The following ARRB1 variants were observed in gnomAD, a reference collection of about 807,000 sequenced individuals.
The protein encoded by ARRB1 is arrestin beta 1.
A neutral mutation model predicts 56.8 loss-of-function variants in ARRB1; 21 were observed. The ratio of observed to expected loss-of-function variants is 0.37; its 90% confidence interval spans 0.26 to 0.53. ARRB1 has a LOEUF of 0.53. Among genes scored for constraint, ARRB1 ranks in the 20% least tolerant of loss-of-function variants. ARRB1 has a pLI of 0.88. For synonymous variants in ARRB1, 210 were observed against 218.6 expected (o/e 0.96, Z 0.35); for missense variants, 424 against 553.7 (o/e 0.77, Z 2.35).
At chr11:75,290,694 T>C (rs938502387) in intron 1 of ARRB1, among the ~76,000 whole-genome samples, 3 of 152,186 alleles carry the variant, frequency 2.0e-5, no homozygotes, top group African/African-American at 7.2e-5. Flanking sequence ...ACGATCCTCC[T>C]GCTCAGCCTC....
chr11:75,280,102 G>A (rs1295856114), intron 7 of ARRB1, among the ~76,000 whole-genome samples: 1 of 152,136 alleles, frequency 6.6e-6, no homozygotes, highest in East Asian at 1.9e-4. Flanking sequence ...ACTCCTTGGT[G>A]TGGATTTTAA....
At chr11:75,295,420 T>A (rs1263309166) in intron 1 of ARRB1, among the ~76,000 whole-genome samples, 1 of 152,098 alleles carries the variant, frequency 6.6e-6, no homozygotes, top group South Asian at 2.1e-4. Flanking sequence ...CCTTGGCTCA[T>A]GGCCCCTGCT....
At chr11:75,273,998 T>TG (rs979107373) in intron 11 of ARRB1, 76 bp downstream of exon 11, 212 of 1,600,752 alleles carry the variant, frequency 1.3e-4, no homozygotes, top group Non-Finnish European at 1.5e-4. Context: ...GTCTTTGAAC[T>TG]GGGGGGACCA....
intron 9 of ARRB1, 106 bp from the exon 10 acceptor site, chr11:75,277,017 A>T: frequency 1.8e-6 from 2 of 1,136,514 alleles, no homozygotes; most frequent in Non-Finnish European, 2.6e-6. Flanking sequence ...CAATGGCCAG[A>T]GGCCACCAGT....
In ARRB1 at chr11:75,265,787, C is replaced by A. The variant is rs1945893133; in HGVS notation, c.*376G>T. On this transcript the variant is annotated 3_prime_UTR_variant, in exon 16 of 16. Transcript: ENST00000420843. ...GGACATCTTCTCTCGTGTCTTGAGC[C>A]CTCATCCCCACCCCTCCAAGCCCTC... is the stretch of plus-strand genomic sequence containing the variant. 1 of 266,298 alleles carries A rather than the reference C, an allele frequency of 3.8e-6. No individual in the cohort carries two copies. The highest frequency in any genetic ancestry group is 7.4e-6 in the Non-Finnish European group (1 of 135,702). The allele number at this position is 266,298 out of a possible 1,614,324, so 16.5% of individuals were successfully genotyped here.
chr11:75,274,216 G>C lies in ARRB1; in HGVS notation c.777-5C>G, dbSNP rs753489019. ...GAGCTGGGTGCCACAGTGTCACTGGGAAGAAAGGAAGCAGCTGTGGAGATG... is the reference window on the plus strand; with the variant it reads ...GAGCTGGGTGCCACAGTGTCACTGGCAAGAAAGGAAGCAGCTGTGGAGATG... On this transcript the variant is annotated splice_polypyrimidine_tract_variant and splice_region_variant and intron_variant, in intron 10 of 15. Transcript: ENST00000420843. 7 of 1,613,780 alleles carry C rather than the reference G, an allele frequency of 4.3e-6. No homozygotes were observed. The South Asian group carries it at 7.7e-5, about 18-fold the overall frequency.
rs1945879799 is a variant in ARRB1 at position 75,265,080 on chromosome 11, A to AC, written c.*1082dup. The AC allele has an allele frequency of 6.6e-6, 1 of 151,840 alleles. No homozygotes were observed. The highest frequency in any genetic ancestry group is 2.4e-5 in the African/African-American group (1 of 41,270). The allele number at this position is 151,840 out of a possible 1,614,324, so 9.4% of individuals were successfully genotyped here. On this transcript the variant is annotated 3_prime_UTR_variant, in exon 16 of 16. Transcript: ENST00000420843. The stretch of plus-strand genomic sequence containing the variant: ...GGATGCTGCCACCTTCTGAGATAGG[A>AC]CCCCCTTTGACTGTGGCATGGTGGC...
intron 4 of ARRB1, 107 bp from the exon 5 acceptor site, chr11:75,283,590 T>G (rs919318881): frequency 9.0e-6 from 10 of 1,107,880 alleles, no homozygotes; most frequent in Non-Finnish European, 1.3e-5. Context: ...GCCCCAAGCC[T>G]GTCCCAAGCT....
intron 10 of ARRB1, 91 bp downstream of exon 10, chr11:75,276,748 A>T: frequency 7.6e-7 from 1 of 1,310,904 alleles, no homozygotes; most frequent in Non-Finnish European, 1.1e-6. Context: ...CCAGGTGGAG[A>T]AGAGCCACCT....
intron 1 of ARRB1, among the ~76,000 whole-genome samples, chr11:75,335,981 C>T (rs1248666205): frequency 6.6e-6 from 1 of 152,192 alleles, no homozygotes; most frequent in Non-Finnish European, 1.5e-5. Context: ...CACGTGACAA[C>T]TCACAGATAC....
Position 75,282,009 on chromosome 11 carries a change from G to A in ARRB1, c.367C>T (p.Leu123Phe). ...GGCTGCAGTGTCACAGAACATGGAA[G>A]GTTTGGAGGGATCTGTCAAGAAGAG... ...YPFTFEIPPNLPCSVTLQPGP... is the reference protein window; with the variant it reads ...YPFTFEIPPNFPCSVTLQPGP... Residue 123 changes from leucine (L) to phenylalanine (F), a missense_variant, in exon 6 of 16, where the codon CTT becomes TTT. Coordinates refer to ENST00000420843, the MANE Select transcript of ARRB1 (RefSeq NM_004041.5). 1 of 1,614,110 alleles carries A rather than the reference G, an allele frequency of 6.2e-7. No homozygotes were observed. The highest frequency in any genetic ancestry group is 8.5e-7 in the Non-Finnish European group (1 of 1,179,994).
intron 12 of ARRB1, among the ~76,000 whole-genome samples, 154 bp from the exon 13 acceptor site, chr11:75,271,878 C>T (rs36004313): frequency 0.01 from 1,587 of 152,228 alleles, 25 homozygotes; most frequent in African/African-American, 0.036. Context: ...GCCCTGACTG[C>T]TCTTTCAGGG....
intron 1 of ARRB1, among the ~76,000 whole-genome samples, chr11:75,338,142 C>T (rs1260623065): frequency 6.6e-6 from 1 of 152,084 alleles, no homozygotes; most frequent in Non-Finnish European, 1.5e-5. Context: ...ACATTAGAGA[C>T]AGATCCTGAA....
intron 11 of ARRB1, among the ~76,000 whole-genome samples, chr11:75,273,247 G>C (rs911014848): frequency 6.6e-6 from 1 of 152,134 alleles, no homozygotes. Context: ...CAGCGTCCCC[G>C]CCATGAGGGC....
Position 75,278,519 on chromosome 11 carries a change from G to C in ARRB1, c.618+90C>G, listed in dbSNP as rs1044589122. The C allele has an allele frequency of 2.6e-6, 4 of 1,556,822 alleles. No individual in the cohort carries two copies. The African/African-American group carries it at 4.1e-5, about 16-fold the overall frequency. ...GCTGGGGATAGAAGCTCCTACCTGA[G>C]GCATCCTTGCAGGCCAGGAGAGAGC... is the stretch of plus-strand genomic sequence containing the variant. On this transcript the variant is annotated intron_variant, in intron 8 of 15. Coordinates refer to ENST00000420843, the MANE Select transcript of ARRB1 (RefSeq NM_004041.5).
chr11:75,307,743 C>G (rs563111845), intron 1 of ARRB1, among the ~76,000 whole-genome samples: 1 of 152,362 alleles, frequency 6.6e-6, no homozygotes, highest in Admixed American at 6.5e-5. Context: ...CACTCCAACT[C>G]CCCATTTATG....
At chr11:75,285,726 G>T (rs1372398022) in intron 3 of ARRB1, among the ~76,000 whole-genome samples, 2 of 152,174 alleles carry the variant, frequency 1.3e-5, no homozygotes, top group African/African-American at 2.4e-5. Context: ...TGGCACAAAG[G>T]GGGTGCTCTG....
chr11:75,281,057 C>A lies in ARRB1; in HGVS notation c.482+18G>T. ...TCCCTCACCCAGCAGGCGGCCCACACCCTGGCATCCTACTCACCGCTTGTG... is the reference window on the plus strand; with the variant it reads ...TCCCTCACCCAGCAGGCGGCCCACAACCTGGCATCCTACTCACCGCTTGTG... On this transcript the variant is annotated intron_variant, in intron 7 of 15. Coordinates refer to ENST00000420843, the MANE Select transcript of ARRB1 (RefSeq NM_004041.5). 1.3e-6 allele frequency: 2 copies of A among 1,595,384 alleles called. No individual in the cohort carries two copies. Among genetic ancestry groups the A allele is most frequent in the South Asian group, 1.1e-5 (1 of 87,834 alleles).
In ARRB1 at chr11:75,281,669, G is replaced by A. The variant is rs1946345015; in HGVS notation, c.414+293C>T. ...GCACTTTGATTCCAGGTTGCCAGGGGTTACATGAGGCCAGGTGTAGGTCCT... is the reference window on the plus strand; with the variant it reads ...GCACTTTGATTCCAGGTTGCCAGGGATTACATGAGGCCAGGTGTAGGTCCT... On this transcript the variant is annotated intron_variant, in intron 6 of 15. Transcript: ENST00000420843. 4 of 422,030 alleles carry A rather than the reference G, an allele frequency of 9.5e-6. No homozygotes were observed. In the South Asian group the frequency reaches 1.5e-4, roughly 16 times the overall value. The allele number at this position is 422,030 out of a possible 1,614,324, so 26.1% of individuals were successfully genotyped here. A position where few individuals can be genotyped will look rare whatever the true frequency, so the allele number is the denominator to read the frequency against.
Sources: gnomAD v4.1 joint callset for allele counts (sites outside exome capture counted in the v4.1 genomes callset) on GRCh38, gnomAD v4.1.1 for gene constraint, MANE v1.5 for transcripts, NCBI Gene and HGNC (gene_info 2026-07-23, HGNC 2026-07-21) for gene names.